The following TCF7L1 variants were observed in gnomAD, a reference collection of about 807,000 sequenced individuals.
TCF7L1 encodes transcription factor 7 like 1.
TCF7L1 carries 18 observed loss-of-function variants against 63.7 expected under a neutral mutation model. That is an observed-to-expected ratio of 0.28 (90% CI 0.20 to 0.42). The LOEUF (loss-of-function observed/expected upper bound fraction) is 0.42. TCF7L1 is among the 10% of genes least tolerant of loss of function. The pLI is 1.00. For missense variants in TCF7L1, 654 were observed against 779.3 expected, an observed-to-expected ratio of 0.84 and a Z score of 1.91; for synonymous variants, 355 against 340.9, an observed-to-expected ratio of 1.04 and a Z score of -0.46.
intron 11 of TCF7L1, among the ~76,000 whole-genome samples, chr2:85,308,364 T>TCCCCCTCCCTC (rs1682170053): frequency 2.8e-5 from 4 of 144,428 alleles, no homozygotes; most frequent in Admixed American, 1.4e-4. Flanking sequence ...TCCCTCCCTT[T>TCCCCCTCCCTC]CTTCCTCCCT....
At chr2:85,280,813 C>T (rs1414851988) in intron 3 of TCF7L1, among the ~76,000 whole-genome samples, 8 of 152,042 alleles carry the variant, frequency 5.3e-5, no homozygotes, top group East Asian at 1.9e-4. Flanking sequence ...TGGCCAGCCC[C>T]GTGCAAGACA....
chr2:85,297,471 G>T (rs970647694), intron 4 of TCF7L1, among the ~76,000 whole-genome samples: 1 of 152,090 alleles, frequency 6.6e-6, no homozygotes, highest in African/African-American at 2.4e-5. Flanking sequence ...TGTTTCTTTG[G>T]CCAAAATGTC....
chr2:85,289,513 C>A (rs1479902503), intron 4 of TCF7L1, among the ~76,000 whole-genome samples: 3 of 152,012 alleles, frequency 2.0e-5, no homozygotes, highest in African/African-American at 7.3e-5. Flanking sequence ...GAAAAGGGAC[C>A]TAGAGAGTAA....
chr2:85,137,699 C>T (rs1261838877), intron 3 of TCF7L1, among the ~76,000 whole-genome samples: 1 of 152,028 alleles, frequency 6.6e-6, no homozygotes, highest in East Asian at 1.9e-4. Flanking sequence ...TCGAGACCAG[C>T]CTGGCCAACA....
chr2:85,222,669 CAAAA>C (rs60020804), intron 3 of TCF7L1, among the ~76,000 whole-genome samples: 2 of 58,198 alleles, frequency 3.4e-5, no homozygotes, highest in Admixed American at 2.2e-4. Context: ...GACCCCATCT[CAAAA>C]AAAAAAAAAA....
chr2:85,212,989 T>C (rs1343639708), intron 3 of TCF7L1, among the ~76,000 whole-genome samples: 2 of 152,094 alleles, frequency 1.3e-5, no homozygotes, highest in African/African-American at 4.8e-5. Flanking sequence ...GAAGAGAATC[T>C]AGAAAATCTG....
chr2:85,304,345 C>T lies in TCF7L1; in HGVS notation c.845+7C>T. 10 of 1,613,662 alleles carry T rather than the reference C, an allele frequency of 6.2e-6. No individual in the cohort carries two copies. Among genetic ancestry groups the T allele is most frequent in the Non-Finnish European group, 8.5e-6 (10 of 1,179,834 alleles). ...TGAACGCCTCGATGTCCAGGTGAGT[C>T]CCGGGGCTGGGGCTGTCCGCATGTT... On this transcript the variant is annotated splice_region_variant and intron_variant, in intron 7 of 11. Coordinates refer to ENST00000282111, the MANE Select transcript of TCF7L1 (RefSeq NM_031283.3).
chr2:85,225,662 T>C (rs1253132826), intron 3 of TCF7L1, among the ~76,000 whole-genome samples: 1 of 152,224 alleles, frequency 6.6e-6, no homozygotes. Context: ...GCTTATTAGC[T>C]TAAGGAGATT....
At position 85,306,069 on chromosome 2, in the gene TCF7L1, C is replaced by G; in HGVS notation, c.990-137C>G. The G allele has an allele frequency of 1.0e-6, 1 of 957,118 alleles. No homozygotes were observed. Among genetic ancestry groups the G allele is most frequent in the South Asian group, 1.6e-5 (1 of 63,346 alleles). The allele number at this position is 957,118 out of a possible 1,614,324, so 59.3% of individuals were successfully genotyped here. A position where few individuals can be genotyped will look rare whatever the true frequency, so the allele number is the denominator to read the frequency against. On this transcript the variant is annotated intron_variant, in intron 8 of 11. Transcript: ENST00000282111. The surrounding 1 kb of genome is among the most constrained non-coding windows in gnomAD (Gnocchi z 4.3). ...GAAGGTACTCAGGTGTTGAGTGCAG[C>G]CATGGGGCCACTTGAATTAGCATCC...
rs549818177 is a variant in TCF7L1 at position 85,157,714 on chromosome 2, G to A, written c.441+23264G>A. Among the ~76,000 whole-genome samples, 111 of 152,386 alleles carry A rather than the reference G, an allele frequency of 7.3e-4. 1 individual carries two copies. The Middle Eastern group carries it at 0.014, about 19-fold the overall frequency. On this transcript the variant is annotated intron_variant, in intron 3 of 11. Coordinates refer to ENST00000282111, the MANE Select transcript of TCF7L1 (RefSeq NM_031283.3). ...AGAGGCCCTGAGCTATTGAACCCAT[G>A]GGGTTTTCGGGTCTGCAGCCATTGC...
chr2:85,152,972 TG>T (rs1285835474), intron 3 of TCF7L1, among the ~76,000 whole-genome samples: 1 of 152,262 alleles, frequency 6.6e-6, no homozygotes, highest in African/African-American at 2.4e-5. Flanking sequence ...AATGTTTACC[TG>T]TTTTTGAAAG....
chr2:85,233,917 C>T (rs60593886), intron 3 of TCF7L1: 31,748 of 152,092 alleles, frequency 0.21, 7,525 homozygotes, highest in African/African-American at 0.58. Flanking sequence ...CATTACCGAG[C>T]GGTTTTCCGT....
At chr2:85,267,707 G>A (rs917138478) in intron 3 of TCF7L1, among the ~76,000 whole-genome samples, 4 of 151,120 alleles carry the variant, frequency 2.6e-5, no homozygotes, top group Admixed American at 2.6e-4. Context: ...GGGCAAGTTA[G>A]TTAACCTCTT....
intron 3 of TCF7L1, among the ~76,000 whole-genome samples, chr2:85,138,208 C>G (rs1677640437): frequency 6.6e-6 from 1 of 152,182 alleles, no homozygotes; most frequent in Non-Finnish European, 1.5e-5. Flanking sequence ...ACCATCTCAT[C>G]TCAGGCTTGT....
intron 3 of TCF7L1, among the ~76,000 whole-genome samples, chr2:85,245,076 C>T (rs1001079840): frequency 1.3e-5 from 2 of 152,116 alleles, no homozygotes; most frequent in Non-Finnish European, 2.9e-5. Context: ...GCACTCTGCC[C>T]GCTAGCAGGA....
Position 85,134,183 on chromosome 2 carries a change from C to T in TCF7L1, c.313+104C>T, listed in dbSNP as rs1558611742. 3.3e-6 allele frequency: 5 copies of T among 1,515,524 alleles called. No homozygotes were observed. Among genetic ancestry groups the T allele is most frequent in the South Asian group, 1.3e-5 (1 of 79,354 alleles). The allele number at this position is 1,515,524 out of a possible 1,614,324, so 93.9% of individuals were successfully genotyped here. A position where few individuals can be genotyped will look rare whatever the true frequency, so the allele number is the denominator to read the frequency against. On this transcript the variant is annotated intron_variant, in intron 2 of 11. Coordinates refer to ENST00000282111, the MANE Select transcript of TCF7L1 (RefSeq NM_031283.3). The surrounding 1 kb of genome is among the most constrained non-coding windows in gnomAD (Gnocchi z 5.0). ...CCTTGCTTGGGTGGACGCACCCTTG[C>T]CCTCCGCCTTTATTGGCGGCAGCCC...
At chr2:85,268,904 G>A (rs569800683) in intron 3 of TCF7L1, among the ~76,000 whole-genome samples, 3 of 152,308 alleles carry the variant, frequency 2.0e-5, no homozygotes, top group East Asian at 3.9e-4. Context: ...CGAGTGTGGG[G>A]CAAGGTGAAT....
intron 3 of TCF7L1, among the ~76,000 whole-genome samples, chr2:85,215,119 A>C (rs1645523297): frequency 6.6e-6 from 1 of 152,214 alleles, no homozygotes; most frequent in Non-Finnish European, 1.5e-5. Flanking sequence ...CATCAAGGTC[A>C]AGCAGATCCA....
At chr2:85,285,070 A>G (rs1039133093) in intron 4 of TCF7L1, among the ~76,000 whole-genome samples, 1 of 152,090 alleles carries the variant, frequency 6.6e-6, no homozygotes, top group Admixed American at 6.5e-5. Flanking sequence ...CGTCTCTACT[A>G]AAAATACAAA....
Sources: allele counts gnomAD v4.1 joint callset (sites outside exome capture counted in the v4.1 genomes callset), GRCh38; gene constraint gnomAD v4.1.1; non-coding constraint Gnocchi (gnomAD v3.1); transcripts MANE v1.5; gene names NCBI Gene and HGNC (gene_info 2026-07-23, HGNC 2026-07-21).